The following PCNT variants were observed in gnomAD, a reference collection of about 807,000 sequenced individuals.
PCNT encodes kendrin.
A neutral mutation model predicts 380.4 loss-of-function variants in PCNT; 319 were observed. The ratio of observed to expected loss-of-function variants is 0.84; its 90% CI spans 0.77 to 0.92. PCNT has a LOEUF of 0.92. Among genes scored for constraint, PCNT ranks in the 40% least tolerant of loss-of-function variants. The pLI is 0.00. For missense variants in PCNT, 4,400 were observed against 4,255.3 expected (o/e 1.03, Z -0.95); for synonymous variants, 1,845 against 1,735.2 (o/e 1.06, Z -1.57).
rs542364583 is a variant in PCNT at position 46,422,807 on chromosome 21, G to A, written c.7179+683G>A. On this transcript the variant is annotated intron_variant, in intron 32 of 46. Coordinates refer to ENST00000359568, the MANE Select transcript of PCNT (RefSeq NM_006031.6). ...AGGTTCCTGGAAACTGACCTTGTAGGAAGGACACTCCTGTGCTGCTGGCCG... is the reference window on the plus strand; with the variant it reads ...AGGTTCCTGGAAACTGACCTTGTAGAAAGGACACTCCTGTGCTGCTGGCCG... Among the ~76,000 whole-genome samples, 11 of 152,338 alleles carry A rather than the reference G, an allele frequency of 7.2e-5. No homozygotes were observed. The East Asian group carries it at 1.7e-3, about 24-fold the overall frequency.
chr21:46,324,762 G>A (rs894554775), intron 1 of PCNT: 29 of 542,978 alleles, frequency 5.3e-5, no homozygotes, highest in Admixed American at 3.8e-4. Context: ...TCGGGTGGCT[G>A]CTTGGTCTAG....
chr21:46,364,440 G>T (rs200328284), intron 14 of PCNT, among the ~76,000 whole-genome samples: 1 of 71,622 alleles, frequency 1.4e-5, no homozygotes, highest in Non-Finnish European at 3.8e-5. Context: ...GTGGGTGTCA[G>T]GGGCGGGGAT....
intron 2 of PCNT, among the ~76,000 whole-genome samples, chr21:46,332,399 A>G (rs2083586809): frequency 6.6e-6 from 1 of 152,234 alleles, no homozygotes; most frequent in Admixed American, 6.5e-5. Flanking sequence ...CACGTAATTT[A>G]CAGAAGTAAG....
intron 29 of PCNT, among the ~76,000 whole-genome samples, chr21:46,415,481 G>A (rs1419730949): frequency 6.9e-6 from 1 of 145,466 alleles, no homozygotes. Context: ...CACCTCCTGG[G>A]TTCAAGCAAT....
intron 3 of PCNT, among the ~76,000 whole-genome samples, chr21:46,340,118 C>T (rs1482398327): frequency 6.6e-6 from 1 of 152,210 alleles, no homozygotes; most frequent in East Asian, 1.9e-4. Flanking sequence ...CAAGGAGGAC[C>T]AAGTCACATC....
chr21:46,393,477 C>T (rs2086103811), intron 21 of PCNT, among the ~76,000 whole-genome samples: 1 of 152,068 alleles, frequency 6.6e-6, no homozygotes, highest in Non-Finnish European at 1.5e-5. Flanking sequence ...CGGGCCCCTC[C>T]CTGTAGACTC....
chr21:46,441,400 T>C (rs576202121), intron 43 of PCNT, among the ~76,000 whole-genome samples: 116 of 152,290 alleles, frequency 7.6e-4, no homozygotes, highest in African/African-American at 2.6e-3. Context: ...CCCTAAACAC[T>C]GTGCGGCTGT....
At chr21:46,332,370 G>A (rs1228108756) in intron 2 of PCNT, among the ~76,000 whole-genome samples, 1 of 152,134 alleles carries the variant, frequency 6.6e-6, no homozygotes, top group Non-Finnish European at 1.5e-5. Flanking sequence ...TTACTGTTTT[G>A]TCATTTTAAG....
In PCNT at chr21:46,366,603, G is replaced by A. The variant is rs2084938546; in HGVS notation, c.2629G>A (p.Glu877Lys). The A allele has an allele frequency of 1.2e-6, 2 of 1,613,988 alleles. No homozygotes were observed. The highest frequency in any genetic ancestry group is 2.7e-5 in the African/African-American group (2 of 74,946). ...ARSRFLEERK[E>K]ITEKFSAEQD... is the part of the protein sequence containing the mutation. The stretch of plus-strand genomic sequence containing the variant: ...CCGCAGGTTTTTAGAGGAACGTAAA[G>A]AGATCACCGAGAAATTCAGTGCGGA... Residue 877 changes from glutamate to lysine, a missense_variant, in exon 15 of 47, where the codon GAG (glutamate) becomes AAG (lysine). Glu to Lys is a moderately conservative substitution (Grantham distance 56, BLOSUM62 1). Transcript: ENST00000359568.
chr21:46,354,929 G>A (rs926494236), intron 11 of PCNT, among the ~76,000 whole-genome samples: 1 of 152,232 alleles, frequency 6.6e-6, no homozygotes, highest in African/African-American at 2.4e-5. Context: ...CCACGAGCAG[G>A]CCTTGCACCA....
At chr21:46,354,508 T>A (rs2084401862) in intron 11 of PCNT, among the ~76,000 whole-genome samples, 1 of 152,244 alleles carries the variant, frequency 6.6e-6, no homozygotes, top group African/African-American at 2.4e-5. Context: ...CAAACGGAGC[T>A]TCTGGGATGT....
chr21:46,342,213 T>C (rs2083928678), intron 3 of PCNT, among the ~76,000 whole-genome samples: 1 of 152,110 alleles, frequency 6.6e-6, no homozygotes, highest in African/African-American at 2.4e-5. Context: ...CTTAAGTGAT[T>C]CTCCTGCCTC....
rs377597505 is a variant in PCNT at position 46,389,450 on chromosome 21, G to C, written c.3840+19G>C. 827 of 1,598,898 alleles carry C rather than the reference G, an allele frequency of 5.2e-4. No homozygotes were observed. Among genetic ancestry groups the C allele is most frequent in the Non-Finnish European group, 6.8e-4 (799 of 1,166,716 alleles). On this transcript the variant is annotated intron_variant, in intron 19 of 46. Transcript: ENST00000359568. ...CAGGCAGGTGAGGCCCAGGCTCCCG[G>C]GGTCCTGTGGAGATGTGAACAACTG...
chr21:46,396,131 C>G (rs1459908084), intron 21 of PCNT, among the ~76,000 whole-genome samples: 1 of 152,272 alleles, frequency 6.6e-6, no homozygotes, highest in Admixed American at 6.5e-5. Context: ...GACTTAGCAG[C>G]AGAGAGCCCC....
chr21:46,413,446 G>C (rs2147716644), intron 29 of PCNT, among the ~76,000 whole-genome samples: 1 of 152,370 alleles, frequency 6.6e-6, no homozygotes, highest in South Asian at 2.1e-4. Context: ...ATTCTGCTGA[G>C]GTGAGGAGCA....
At chr21:46,353,670 C>G (rs1045632441) in intron 10 of PCNT, among the ~76,000 whole-genome samples, 1 of 150,954 alleles carries the variant, frequency 6.6e-6, no homozygotes, top group Non-Finnish European at 1.5e-5. Flanking sequence ...GGGGCGCTCT[C>G]CTCCAGGCAT....
intron 15 of PCNT, among the ~76,000 whole-genome samples, chr21:46,370,996 T>C (rs2085105125): frequency 6.6e-6 from 1 of 152,006 alleles, no homozygotes; most frequent in African/African-American, 2.4e-5. Flanking sequence ...GATCGCGCCA[T>C]TGCCCTCCAG....
At chr21:46,408,228 C>CG (rs1294448806) in intron 27 of PCNT, among the ~76,000 whole-genome samples, 2 of 152,092 alleles carry the variant, frequency 1.3e-5, no homozygotes, top group African/African-American at 4.8e-5. Flanking sequence ...TGCATGCTGT[C>CG]GCCTGTGTCT....
In PCNT at chr21:46,361,539, C is replaced by CTG. The variant is rs1356651574; in HGVS notation, c.2155-1941_2155-1940insTG. Among the ~76,000 whole-genome samples the CTG allele has an allele frequency of 7.2e-5, 11 of 152,332 alleles. No individual in the cohort carries two copies. The East Asian group carries it at 2.1e-3, about 29-fold the overall frequency. On this transcript the variant is annotated intron_variant, in intron 13 of 46. Coordinates refer to ENST00000359568, the MANE Select transcript of PCNT (RefSeq NM_006031.6). Reference sequence around the variant, plus strand: ...CACCTCCCCTTCGTCTTCTGTGCTGCAGTTTTCATAGACTAGACATCACAT... The same window carrying CTG: ...CACCTCCCCTTCGTCTTCTGTGCTGCTGAGTTTTCATAGACTAGACATCACAT...
Sources: allele counts gnomAD v4.1 joint callset (sites outside exome capture counted in the v4.1 genomes callset), GRCh38; gene constraint gnomAD v4.1.1; transcripts MANE v1.5; gene names NCBI Gene and HGNC (gene_info 2026-07-23, HGNC 2026-07-21).